The following DIAPH3 variants were observed in gnomAD, a reference collection of about 807,000 sequenced individuals.
DIAPH3 encodes diaphanous related formin 3, also known as protein diaphanous homolog 3.
DIAPH3 carries 117 observed loss-of-function variants against 144.3 expected under a neutral mutation model. That is an observed-to-expected ratio of 0.81 (90% CI 0.70 to 0.95). The LOEUF is 0.95. Among genes scored for constraint, DIAPH3 ranks in the 40% least tolerant of loss-of-function variants. DIAPH3 has a pLI of 0.00. For missense variants in DIAPH3, 1,421 were observed against 1,412.7 expected (o/e 1.01, Z -0.09); for synonymous variants, 519 against 488.9 (o/e 1.06, Z -0.81).
intron 21 of DIAPH3, among the ~76,000 whole-genome samples, chr13:59,868,971 G>A (rs1469531045): frequency 2.0e-5 from 3 of 152,100 alleles, no homozygotes; most frequent in Admixed American, 2.0e-4. Context: ...CCTATTGAAG[G>A]ACATATTGCT....
At chr13:59,776,618 T>C (rs555621012) in intron 25 of DIAPH3, among the ~76,000 whole-genome samples, 2 of 152,136 alleles carry the variant, frequency 1.3e-5, no homozygotes, top group South Asian at 4.1e-4. Flanking sequence ...TTCATATTGA[T>C]AGATTATAAA....
intron 27 of DIAPH3, among the ~76,000 whole-genome samples, chr13:59,726,427 A>G (rs342584): frequency 0.74 from 112,116 of 152,022 alleles, 41,668 homozygotes; most frequent in East Asian, 0.88. Context: ...TCGGTCCCAG[A>G]CAATGGCTAG....
At chr13:60,055,797 T>C (rs961714272) in intron 4 of DIAPH3, among the ~76,000 whole-genome samples, 9 of 151,868 alleles carry the variant, frequency 5.9e-5, no homozygotes, top group Non-Finnish European at 1.2e-4. Flanking sequence ...AAGGAACTAA[T>C]ACAATCGCAT....
chr13:59,697,225 C>A (rs1312426998), intron 27 of DIAPH3, among the ~76,000 whole-genome samples: 1 of 151,320 alleles, frequency 6.6e-6, no homozygotes, highest in Non-Finnish European at 1.5e-5. Flanking sequence ...TTTGGGAGGC[C>A]GAGGCGGGCG....
intron 1 of DIAPH3, among the ~76,000 whole-genome samples, chr13:60,161,705 T>C (rs1478397129): frequency 6.6e-6 from 1 of 152,202 alleles, no homozygotes; most frequent in East Asian, 1.9e-4. Flanking sequence ...TGAGTCAATG[T>C]AGACAGCCCA....
At chr13:60,003,583 A>AT (rs1276786868) in intron 9 of DIAPH3, among the ~76,000 whole-genome samples, 2 of 150,784 alleles carry the variant, frequency 1.3e-5, no homozygotes, top group Non-Finnish European at 1.5e-5. Flanking sequence ...ATATATATAT[A>AT]TTTTTTATGA....
At chr13:60,043,649 T>TA (rs1430534708) in intron 4 of DIAPH3, among the ~76,000 whole-genome samples, 4 of 152,170 alleles carry the variant, frequency 2.6e-5, no homozygotes, top group Non-Finnish European at 5.9e-5. Context: ...TTAGAAGAGT[T>TA]AGAGTTCACT....
rs145897081 is a variant in DIAPH3 at position 59,777,341 on chromosome 13, C to T, written c.3164-2518G>A. ...CACTGAGGAAAAAAGAATCATGCAT[C>T]CATAGTGATACTAAAAAATACATAG... On this transcript the variant is annotated intron_variant, in intron 25 of 27. Coordinates refer to ENST00000400324, the MANE Select transcript of DIAPH3 (RefSeq NM_001042517.2). Among the ~76,000 whole-genome samples the T allele has an allele frequency of 2.7e-3, 415 of 152,056 alleles. 1 individual carries two copies. Among genetic ancestry groups the T allele is most frequent in the African/African-American group, 9.3e-3 (385 of 41,508 alleles).
At chr13:60,095,615 T>G (rs185752839) in intron 3 of DIAPH3, among the ~76,000 whole-genome samples, 16 of 98,776 alleles carry the variant, frequency 1.6e-4, no homozygotes, top group Middle Eastern at 6.3e-3. Flanking sequence ...GTTTTTTGTG[T>G]TTTTTTTTTT....
At chr13:60,106,463 T>C (rs1346786053) in intron 3 of DIAPH3, among the ~76,000 whole-genome samples, 1 of 152,148 alleles carries the variant, frequency 6.6e-6, no homozygotes, top group Non-Finnish European at 1.5e-5. Context: ...ATTTATGATG[T>C]CAGGATAGAT....
chr13:59,707,626 G>A (rs1432197760), intron 27 of DIAPH3, among the ~76,000 whole-genome samples: 1 of 152,136 alleles, frequency 6.6e-6, no homozygotes, highest in Non-Finnish European at 1.5e-5. Flanking sequence ...TTCTATGAAG[G>A]TGGTTTAAAT....
Position 59,974,387 on chromosome 13 carries a change from C to T in DIAPH3, c.1615G>A (p.Glu539Lys), listed in dbSNP as rs754169813. 2 of 1,612,178 alleles carry T rather than the reference C, an allele frequency of 1.2e-6. No homozygotes were observed. Among genetic ancestry groups the T allele is most frequent in the East Asian group, 2.2e-5 (1 of 44,748 alleles). ...AAAGCTTGTAGCTCTGCTTGAAGCTCATTAATCTTTGCCTCTTTTTTCTGC... is the reference window on the plus strand; with the variant it reads ...AAAGCTTGTAGCTCTGCTTGAAGCTTATTAATCTTTGCCTCTTTTTTCTGC... ...ELQKKEAKIN[E>K]LQAELQAFKS... Residue 539 changes from glutamate to lysine, a missense_variant, in exon 15 of 28, where the codon GAG (glutamate) becomes AAG (lysine). Coordinates refer to ENST00000400324, the MANE Select transcript of DIAPH3 (RefSeq NM_001042517.2).
intron 22 of DIAPH3, among the ~76,000 whole-genome samples, chr13:59,851,859 C>T (rs1001878337): frequency 1.3e-5 from 2 of 152,096 alleles, no homozygotes; most frequent in Non-Finnish European, 2.9e-5. Flanking sequence ...ACCTCATGAT[C>T]CGCACGCCTC....
rs139311150 is a variant in DIAPH3, at chr13:59,802,606, C to T, written c.3163+8182G>A. ...TTCATGGTTTTTTTTTAATCTGTCTCTTAAAATCAAAGAACAGAGTCTATG... is the reference window on the plus strand; with the variant it reads ...TTCATGGTTTTTTTTTAATCTGTCTTTTAAAATCAAAGAACAGAGTCTATG... On this transcript the variant is annotated intron_variant, in intron 25 of 27. Coordinates refer to ENST00000400324, the MANE Select transcript of DIAPH3 (RefSeq NM_001042517.2). Among the ~76,000 whole-genome samples the T allele has an allele frequency of 4.1e-3, 493 of 119,292 alleles. 14 individuals carry two copies. In the East Asian group the frequency reaches 0.089, roughly 22 times the overall value. 78.3% of individuals were successfully genotyped at this position (119,292 alleles called of 152,430 possible).
intron 3 of DIAPH3, 68 bp from the exon 4 acceptor site, chr13:60,093,800 A>C (rs1270492502): frequency 4.0e-6 from 4 of 991,236 alleles, no homozygotes; most frequent in Non-Finnish European, 6.4e-6. Context: ...ATGCACTACA[A>C]ATGGAAAAAT....
chr13:59,759,360 A>G (rs2037454410), intron 27 of DIAPH3, among the ~76,000 whole-genome samples: 1 of 152,138 alleles, frequency 6.6e-6, no homozygotes, highest in Non-Finnish European at 1.5e-5. Flanking sequence ...AACTAATCAC[A>G]AATAACTTAA....
intron 27 of DIAPH3, among the ~76,000 whole-genome samples, chr13:59,687,626 A>T (rs1450314166): frequency 6.6e-6 from 1 of 152,068 alleles, no homozygotes; most frequent in African/African-American, 2.4e-5. Context: ...TCTTGAAATG[A>T]TATATTGAAA....
chr13:60,064,668 A>G (rs1331611671), intron 4 of DIAPH3, among the ~76,000 whole-genome samples: 1 of 152,160 alleles, frequency 6.6e-6, no homozygotes, highest in African/African-American at 2.4e-5. Flanking sequence ...TGTCAACAAT[A>G]AGATTGTTTT....
In DIAPH3 at chr13:59,913,289, C is replaced by G. The variant is rs1272406220; in HGVS notation, c.2266-1453G>C. Among the ~76,000 whole-genome samples the G allele has an allele frequency of 2.6e-5, 4 of 152,028 alleles. No individual in the cohort carries two copies. The South Asian group carries it at 8.3e-4, about 32-fold the overall frequency. Reference sequence around the variant, plus strand: ...TATTGTGATTTTTAAGTGCGTGGTTCCAACCTCCCTTTGTCTCTCCCCTTA... The same window carrying G: ...TATTGTGATTTTTAAGTGCGTGGTTGCAACCTCCCTTTGTCTCTCCCCTTA... On this transcript the variant is annotated intron_variant, in intron 19 of 27. Coordinates refer to ENST00000400324, the MANE Select transcript of DIAPH3 (RefSeq NM_001042517.2).
Sources: gnomAD v4.1 joint callset for allele counts (sites outside exome capture counted in the v4.1 genomes callset) on GRCh38, gnomAD v4.1.1 for gene constraint, MANE v1.5 for transcripts, NCBI Gene and HGNC (gene_info 2026-07-23, HGNC 2026-07-21) for gene names.